The following RFX8 variants were observed in gnomAD, a reference collection of about 807,000 sequenced individuals.
The protein encoded by RFX8 is DNA-binding protein RFX8.
RFX8 carries 46 observed loss-of-function variants against 54.6 expected under a neutral mutation model. The ratio of observed to expected loss-of-function variants is 0.84; its 90% confidence interval spans 0.67 to 1.08. The LOEUF is 1.08. RFX8 is among the 50% of genes least tolerant of loss of function. The pLI, the probability that RFX8 is intolerant of heterozygous loss-of-function variation, is 0.00. For missense variants in RFX8, 536 were observed against 562.3 expected (o/e 0.95, Z 0.47); for synonymous variants, 192 against 209.5 (o/e 0.92, Z 0.72).
chr2:101,399,028 C>T (rs1409832390), intron 11 of RFX8, among the ~76,000 whole-genome samples: 1 of 152,140 alleles, frequency 6.6e-6, no homozygotes, highest in African/African-American at 2.4e-5. Flanking sequence ...GACCTAAATT[C>T]GTTATTTAAT....
Position 101,441,053 on chromosome 2 carries a change from GCCTC to G in RFX8, c.73-18585_73-18582del, listed in dbSNP as rs1228324577. Among the ~76,000 whole-genome samples, 10 of 146,234 alleles carry G rather than the reference GCCTC, an allele frequency of 6.8e-5. No individual in the cohort carries two copies. The East Asian group carries it at 2.0e-3, about 29-fold the overall frequency. On this transcript the variant is annotated intron_variant, in intron 2 of 11. Coordinates refer to ENST00000428343, the MANE Select transcript of RFX8 (RefSeq NM_001145664.2). ...ACGATCTTGGCTCACTGCAAGCTCTGCCTCCCAGGTTCATGCCATTCTCCTGCCT... is the reference window on the plus strand; with the variant it reads ...ACGATCTTGGCTCACTGCAAGCTCTGCCAGGTTCATGCCATTCTCCTGCCT...
chr2:101,467,300 CA>C (rs1689628145), intron 1 of RFX8, among the ~76,000 whole-genome samples: 1 of 152,100 alleles, frequency 6.6e-6, no homozygotes, highest in Admixed American at 6.5e-5. Flanking sequence ...AGACACAAAA[CA>C]ATACCCAGGT....
At chr2:101,463,657 A>G (rs11674434) in intron 2 of RFX8, among the ~76,000 whole-genome samples, 52,542 of 152,130 alleles carry the variant, frequency 0.35, 9,752 homozygotes, top group African/African-American at 0.44. Flanking sequence ...ACACTGGGAC[A>G]GTCCCAAGGG....
intron 2 of RFX8, among the ~76,000 whole-genome samples, chr2:101,455,049 T>C (rs577780211): frequency 2.7e-4 from 40 of 150,674 alleles, no homozygotes; most frequent in South Asian, 2.3e-3. Flanking sequence ...AGTTTCACTC[T>C]TGTTGCCGTG....
At chr2:101,422,602 T>G in intron 2 of RFX8, 130 bp from the exon 3 acceptor site, 1 of 590,866 alleles carries the variant, frequency 1.7e-6, no homozygotes, top group Non-Finnish European at 3.0e-6. Flanking sequence ...TCTGCACACA[T>G]TACTGATTCC....
At chr2:101,438,986 T>C (rs1687938058) in intron 2 of RFX8, among the ~76,000 whole-genome samples, 2 of 152,104 alleles carry the variant, frequency 1.3e-5, no homozygotes, top group Admixed American at 1.3e-4. Context: ...TAATTTTTTA[T>C]ATTTTTAGTA....
At chr2:101,435,832 T>G (rs112658109) in intron 2 of RFX8, among the ~76,000 whole-genome samples, 3 of 151,860 alleles carry the variant, frequency 2.0e-5, no homozygotes, top group African/African-American at 7.3e-5. Context: ...CATTTTCATT[T>G]AAAAAAATAG....
chr2:101,409,243 GAC>G (rs924807126), intron 9 of RFX8, among the ~76,000 whole-genome samples: 3 of 152,264 alleles, frequency 2.0e-5, no homozygotes, highest in African/African-American at 7.2e-5. Context: ...TGTTTTTTGA[GAC>G]AGAGTGTTGC....
intron 2 of RFX8, among the ~76,000 whole-genome samples, chr2:101,426,496 G>A (rs80129971): frequency 1.5e-3 from 230 of 152,226 alleles, no homozygotes; most frequent in African/African-American, 5.3e-3. Context: ...TCCAGCCTGG[G>A]CAAAAGAGCA....
chr2:101,424,192 C>A (rs1293837753), intron 2 of RFX8, among the ~76,000 whole-genome samples: 1 of 152,178 alleles, frequency 6.6e-6, no homozygotes, highest in Non-Finnish European at 1.5e-5. Context: ...CCACACTTTA[C>A]AATATTGGCT....
intron 2 of RFX8, among the ~76,000 whole-genome samples, chr2:101,439,869 C>CACCT (rs376164330): frequency 8.5e-4 from 129 of 152,280 alleles, no homozygotes; most frequent in Middle Eastern, 3.4e-3. Flanking sequence ...AGCCACCGCG[C>CACCT]ATAGCCGAGC....
At chr2:101,435,960 ACGAACGCCCCCACC>A (rs779370800) in intron 2 of RFX8, among the ~76,000 whole-genome samples, 5 of 152,106 alleles carry the variant, frequency 3.3e-5, no homozygotes, top group Non-Finnish European at 5.9e-5. Context: ...CCCAGTGAAA[ACGAACGCCCCCACC>A]CGCTGCTCAG....
At chr2:101,431,158 A>G (rs2037080) in intron 2 of RFX8, among the ~76,000 whole-genome samples, 111,751 of 152,044 alleles carry the variant, frequency 0.73, 42,545 homozygotes, top group Middle Eastern at 0.88. Flanking sequence ...AACCATCATC[A>G]ATCCATCTCT....
intron 2 of RFX8, among the ~76,000 whole-genome samples, chr2:101,451,131 C>A (rs1005480842): frequency 6.6e-6 from 1 of 152,152 alleles, no homozygotes; most frequent in African/African-American, 2.4e-5. Context: ...CCTTCCTCCG[C>A]TAAGCCCAGG....
At chr2:101,413,542 G>A (rs1686289955) in intron 7 of RFX8, among the ~76,000 whole-genome samples, 1 of 152,156 alleles carries the variant, frequency 6.6e-6, no homozygotes, top group Non-Finnish European at 1.5e-5. Flanking sequence ...GGACTATCTA[G>A]TCCCCAACAC....
intron 1 of RFX8, among the ~76,000 whole-genome samples, chr2:101,468,466 T>C (rs1039335567): frequency 1.3e-5 from 2 of 152,170 alleles, no homozygotes; most frequent in Non-Finnish European, 2.9e-5. Flanking sequence ...TTTTGCATTT[T>C]TTTAGTAGAG....
chr2:101,399,580 A>T (rs940224148), intron 11 of RFX8, among the ~76,000 whole-genome samples: 2 of 152,228 alleles, frequency 1.3e-5, no homozygotes. Flanking sequence ...CAACAGTGTT[A>T]AGAGGAAGTG....
chr2:101,432,340 G>C (rs1214585200), intron 2 of RFX8, among the ~76,000 whole-genome samples: 1 of 152,318 alleles, frequency 6.6e-6, no homozygotes, highest in Non-Finnish European at 1.5e-5. Flanking sequence ...ACCAGCAAGT[G>C]GGGATTCATG....
At chr2:101,453,603 C>G (rs900127529) in intron 2 of RFX8, among the ~76,000 whole-genome samples, 6 of 152,026 alleles carry the variant, frequency 3.9e-5, no homozygotes, top group Non-Finnish European at 8.8e-5. Context: ...AACAAAAAAC[C>G]CTCAATGTAA....
Sources: gnomAD v4.1 joint callset for allele counts (sites outside exome capture counted in the v4.1 genomes callset) on GRCh38, gnomAD v4.1.1 for gene constraint, MANE v1.5 for transcripts, NCBI Gene and HGNC (gene_info 2026-07-23, HGNC 2026-07-21) for gene names.